DCAF4: variants seen among roughly 807,000 people sequenced by gnomAD.
The protein encoded by DCAF4 is DDB1 and CUL4 associated factor 4, also known as DDB1- and CUL4-associated factor 4.
In DCAF4, 37 loss-of-function variants were observed where a neutral mutation model predicts 60.9. The ratio of observed to expected loss-of-function variants is 0.61; its 90% CI spans 0.47 to 0.80. DCAF4 has a LOEUF of 0.80. Among genes scored for constraint, DCAF4 ranks in the 30% least tolerant of loss-of-function variants. The probability of loss-of-function intolerance (pLI) is 0.00; values close to 1 mark genes in which losing one functional copy is unlikely to be tolerated. For missense variants in DCAF4, 577 were observed against 650.0 expected (o/e 0.89, Z 1.22); for synonymous variants, 243 against 254.8 (o/e 0.95, Z 0.44).
At chr14:72,961,948 C>T (rs1290793089), downstream of DCAF4, 10 of 1,145,208 alleles carry the variant, frequency 8.7e-6, no homozygotes, top group Middle Eastern at 2.5e-4. Flanking sequence ...CCCAGCTCTC[C>T]GTCGGAGCAC....
rs767119800 is a variant in DCAF4 at position 72,941,796 on chromosome 14, G to A, written c.403G>A (p.Gly135Ser). ...TTCCATGCTACGAAAAAGCCAGCTGGGTTTTCTCAACGTCACCAATTACTG... is the reference window on the plus strand; with the variant it reads ...TTCCATGCTACGAAAAAGCCAGCTGAGTTTTCTCAACGTCACCAATTACTG... Reference protein sequence around the residue: ...ASSMLRKSQLGFLNVTNYCHL... With the variant: ...ASSMLRKSQLSFLNVTNYCHL... The change falls in exon 5 of 14, where the codon GGT becomes AGT. Residue 135 changes from glycine to serine, a missense_variant. By Grantham distance (56) the Gly-to-Ser change is moderately conservative. Coordinates refer to ENST00000358377, the MANE Select transcript of DCAF4 (RefSeq NM_015604.4). The A allele has an allele frequency of 1.1e-5, 17 of 1,613,824 alleles. 1 individual carries two copies. The highest frequency in any genetic ancestry group is 2.7e-5 in the African/African-American group (2 of 74,842).
At chr14:72,960,611 C>T, downstream of DCAF4, 3 of 1,058,416 alleles carry the variant, frequency 2.8e-6, no homozygotes, top group Non-Finnish European at 3.5e-6. Flanking sequence ...CATGGTGGCA[C>T]AGGAAGGGAT....
At chr14:72,932,032 A>G (rs1464902411) in intron 1 of DCAF4, among the ~76,000 whole-genome samples, 1 of 145,200 alleles carries the variant, frequency 6.9e-6, no homozygotes, top group Non-Finnish European at 1.5e-5. Context: ...TCTGTTGCCC[A>G]GGCGGGAGTG....
chr14:72,948,610 C>T (rs961700280), intron 8 of DCAF4, among the ~76,000 whole-genome samples: 2 of 152,064 alleles, frequency 1.3e-5, no homozygotes, highest in Non-Finnish European at 2.9e-5. Flanking sequence ...ATTCTCGTTT[C>T]TGTGGGCTAA....
chr14:72,961,790 A>G, downstream of DCAF4: 1 of 1,008,038 alleles, frequency 9.9e-7, no homozygotes, highest in Non-Finnish European at 1.2e-6. Flanking sequence ...CACCCAGGGG[A>G]ATGGGGAAGC....
chr14:72,955,914 CTTTTTTT>C (rs71109770), intron 12 of DCAF4, among the ~76,000 whole-genome samples: 1 of 54,726 alleles, frequency 1.8e-5, no homozygotes, highest in African/African-American at 7.2e-5. Flanking sequence ...TGGTTATGTC[CTTTTTTT>C]TTTTTTTTTT....
chr14:72,946,000 C>T lies in DCAF4; in HGVS notation c.651C>T (p.His217=), dbSNP rs138935704. Residue 217 remains histidine (H), a synonymous_variant, in exon 7 of 14, where the codon CAC becomes CAT. Coordinates refer to ENST00000358377, the MANE Select transcript of DCAF4 (RefSeq NM_015604.4). Reference sequence around the variant, plus strand: ...CCCCTACGCTCAAGGTGTTCATGCACGAAAACCTCTACTTCACCAACCGGA... The same window carrying T: ...CCCCTACGCTCAAGGTGTTCATGCATGAAAACCTCTACTTCACCAACCGGA... ...LKTPTLKVFM[H]ENLYFTNRKV... 50 of 1,613,964 alleles carry T rather than the reference C, an allele frequency of 3.1e-5. 1 individual carries two copies. The highest frequency in any genetic ancestry group is 6.7e-5 in the East Asian group (3 of 44,892).
rs201604003 is a variant in DCAF4 at position 72,945,843 on chromosome 14, G to A, written c.535-41G>A. 796 of 1,612,468 alleles carry A rather than the reference G, an allele frequency of 4.9e-4. No homozygotes were observed. In the African/African-American group the frequency reaches 5.5e-3, roughly 11 times the overall value. On this transcript the variant is annotated intron_variant, in intron 6 of 13. Transcript: ENST00000358377. The stretch of plus-strand genomic sequence containing the variant: ...GTCCCTCTTAGGCAGTCCACCAGGC[G>A]CAGCCTGGGACGTCACCCACTGCCC...
rs141502610 is a variant in DCAF4 at position 72,939,838 on chromosome 14, C to T, written c.129C>T (p.Ser43=). 78 of 1,613,220 alleles carry T rather than the reference C, an allele frequency of 4.8e-5. 1 individual carries two copies. Among genetic ancestry groups the T allele is most frequent in the African/African-American group, 3.2e-4 (24 of 75,026 alleles). ...GGGCAGCACAGCCCGCTCACGATTC[C>T]GGCCACGGTGATGACGAGTCTCCGT... ...DSRAAQPAHD[S]GHGDDESPST... Residue 43 remains serine (S), a synonymous_variant, in exon 3 of 14, where the codon TCC becomes TCT. Transcript: ENST00000358377.
Position 72,941,659 on chromosome 14 carries a change from A to G in DCAF4, c.352-86A>G, listed in dbSNP as rs945495316. ...CAATTTAGTGCCTGTTTCCTTCATT[A>G]CATCCTATGGAACTAAAAACATTCT... On this transcript the variant is annotated intron_variant, in intron 4 of 13. Coordinates refer to ENST00000358377, the MANE Select transcript of DCAF4 (RefSeq NM_015604.4). 1.6e-5 allele frequency: 21 copies of G among 1,285,534 alleles called. 1 individual carries two copies. Among genetic ancestry groups the G allele is most frequent in the Non-Finnish European group, 2.3e-5 (21 of 905,896 alleles). The allele number at this position is 1,285,534 out of a possible 1,614,324, so 79.6% of individuals were successfully genotyped here. A position where few individuals can be genotyped will look rare whatever the true frequency, so the allele number is the denominator to read the frequency against.
At chr14:72,946,095 AGAG>A in intron 7 of DCAF4, 68 bp downstream of exon 7, 2 of 1,574,600 alleles carry the variant, frequency 1.3e-6, no homozygotes, top group Non-Finnish European at 1.7e-6. Flanking sequence ...AATTCAGGGT[AGAG>A]GAGAGCAACT....
chr14:72,928,947 C>T (rs1888102677), intron 1 of DCAF4, among the ~76,000 whole-genome samples: 1 of 148,936 alleles, frequency 6.7e-6, no homozygotes, highest in Admixed American at 6.6e-5. Context: ...AAGGCTGGAC[C>T]GACCCCCTGT....
intron 1 of DCAF4, among the ~76,000 whole-genome samples, chr14:72,927,126 G>A (rs986542698): frequency 6.6e-6 from 1 of 152,226 alleles, no homozygotes; most frequent in African/African-American, 2.4e-5. Flanking sequence ...TCCACTCTGA[G>A]TTGTGAGTTA....
chr14:72,928,444 C>T (rs1599558079), intron 1 of DCAF4, among the ~76,000 whole-genome samples: 1 of 150,752 alleles, frequency 6.6e-6, no homozygotes, highest in South Asian at 2.1e-4. Flanking sequence ...ATCCGCCCGC[C>T]TCGGCCTCCC....
intron 7 of DCAF4, among the ~76,000 whole-genome samples, chr14:72,946,391 C>T (rs943935237): frequency 5.9e-5 from 9 of 152,012 alleles, no homozygotes; most frequent in African/African-American, 1.7e-4. Context: ...GGTAACAGAG[C>T]GAGACCCTGT....
At chr14:72,933,991 C>A (rs1888916662) in intron 1 of DCAF4, among the ~76,000 whole-genome samples, 1 of 152,138 alleles carries the variant, frequency 6.6e-6, no homozygotes, top group South Asian at 2.1e-4. Context: ...TTCAGGTGCC[C>A]TTTCTTAGCA....
chr14:72,955,659 A>C lies in DCAF4; in HGVS notation c.1142A>C (p.Asp381Ala). ...GTGACCTCTGTGCGGATCCTCCAAGATGAGCAATACCTGATGGCTTCAGAC... is the reference window on the plus strand; with the variant it reads ...GTGACCTCTGTGCGGATCCTCCAAGCTGAGCAATACCTGATGGCTTCAGAC... ...SAVTSVRILQ[D>A]EQYLMASDMA... Residue 381 changes from aspartate to alanine, a missense_variant, in exon 12 of 14, where the codon GAT (aspartate) becomes GCT (alanine). Transcript: ENST00000358377. 6.2e-7 allele frequency: 1 copy of C among 1,614,092 alleles called. No individual in the cohort carries two copies. The highest frequency in any genetic ancestry group is 8.5e-7 in the Non-Finnish European group (1 of 1,180,002).
intron 13 of DCAF4, 121 bp from the exon 14 acceptor site, chr14:72,958,491 T>A (rs977387850): frequency 8.8e-7 from 1 of 1,140,742 alleles, no homozygotes; most frequent in Non-Finnish European, 1.3e-6. Context: ...GTTAATGAGT[T>A]TGTGTTTTGG....
intron 8 of DCAF4, among the ~76,000 whole-genome samples, chr14:72,948,692 C>T (rs942964468): frequency 3.9e-5 from 6 of 152,188 alleles, no homozygotes; most frequent in Admixed American, 1.3e-4. Context: ...ATCAGTGGCT[C>T]GCCCTCTGGT....
Sources: gnomAD v4.1 joint callset for allele counts (sites outside exome capture counted in the v4.1 genomes callset) on GRCh38, gnomAD v4.1.1 for gene constraint, MANE v1.5 for transcripts, NCBI Gene and HGNC (gene_info 2026-07-23, HGNC 2026-07-21) for gene names.